Variants in PTPRD observed in about 807,000 individuals in gnomAD.
PTPRD encodes receptor-type tyrosine-protein phosphatase delta.
PTPRD carries 34 observed loss-of-function variants against 214.5 expected under a neutral mutation model. That is an observed-to-expected ratio of 0.16 (90% CI 0.12 to 0.21). The LOEUF (loss-of-function observed/expected upper bound fraction) is 0.21, where lower values mean the gene tolerates loss of function less well. PTPRD is among the 10% of genes least tolerant of loss of function. PTPRD has a pLI of 1.00. For missense variants in PTPRD, 2,545 were observed against 2,398.7 expected, an observed-to-expected ratio of 1.06 and a Z score of -1.27; for synonymous variants, 1,128 against 845.7, an observed-to-expected ratio of 1.33 and a Z score of -5.79.
intron 7 of PTPRD, among the ~76,000 whole-genome samples, chr9:9,669,277 C>T (rs10977920): frequency 0.13 from 19,503 of 152,120 alleles, 1,559 homozygotes; most frequent in African/African-American, 0.22. Context: ...TGGCGAGATA[C>T]ACAAGGAACA....
chr9:9,673,877 A>G (rs2803365), intron 7 of PTPRD, among the ~76,000 whole-genome samples: 1 of 151,752 alleles, frequency 6.6e-6, no homozygotes, highest in Admixed American at 6.6e-5. Flanking sequence ...AGACAATAAT[A>G]TATCATACTT....
chr9:8,725,300 T>G (rs1432200866), intron 12 of PTPRD, among the ~76,000 whole-genome samples: 1 of 152,208 alleles, frequency 6.6e-6, no homozygotes, highest in Non-Finnish European at 1.5e-5. Flanking sequence ...ATGTTAAATA[T>G]TTGGCTATGC....
intron 2 of PTPRD, among the ~76,000 whole-genome samples, chr9:10,421,929 T>A (rs1396767795): frequency 6.6e-6 from 1 of 151,946 alleles, no homozygotes; most frequent in Non-Finnish European, 1.5e-5. Context: ...TAGATCCAGA[T>A]ATGAAATTAT....
chr9:8,350,379 C>A (rs2075111028), intron 39 of PTPRD, among the ~76,000 whole-genome samples: 1 of 152,062 alleles, frequency 6.6e-6, no homozygotes, highest in Non-Finnish European at 1.5e-5. Context: ...CTAAAAAAAT[C>A]ATTGTGAGCA....
intron 9 of PTPRD, among the ~76,000 whole-genome samples, chr9:9,207,551 A>C (rs2099945638): frequency 6.6e-6 from 1 of 152,212 alleles, no homozygotes; most frequent in African/African-American, 2.4e-5. Flanking sequence ...ATGCTGGTCG[A>C]GCTTTGTAAA....
chr9:8,486,994 TA>T (rs143445268), intron 27 of PTPRD, among the ~76,000 whole-genome samples: 4 of 151,700 alleles, frequency 2.6e-5, no homozygotes, highest in South Asian at 2.1e-4. Context: ...CTTAAAAGTT[TA>T]AAAAAAAACC....
chr9:9,155,192 G>T (rs1241871120), intron 10 of PTPRD, among the ~76,000 whole-genome samples: 1 of 152,100 alleles, frequency 6.6e-6, no homozygotes, highest in African/African-American at 2.4e-5. Flanking sequence ...TCTAGAAGTG[G>T]GTAATGTATC....
chr9:10,442,865 A>G (rs907340673), intron 2 of PTPRD, among the ~76,000 whole-genome samples: 2 of 151,546 alleles, frequency 1.3e-5, no homozygotes, highest in African/African-American at 4.8e-5. Flanking sequence ...ACAGTATGGC[A>G]GCCACCCTAT....
In PTPRD at chr9:8,484,153, G is replaced by C. The variant is rs1349731798; in HGVS notation, c.3379C>G (p.Gln1127Glu). The part of the protein sequence containing the change: ...KTNLDGMITV[Q>E]LPEVPANENI... ...TCATTTGCAGGTACTTCAGGCAGTT[G>C]CACAGTAATCATGCCATCCAAGTTG... The change falls in exon 30 of 46, where the codon CAA becomes GAA. Residue 1127 changes from glutamine to glutamate, a missense_variant. By Grantham distance (29) the Gln-to-Glu change is conservative (BLOSUM62 2). Transcript: ENST00000381196. 6.2e-7 allele frequency: 1 copy of C among 1,614,074 alleles called. No individual in the cohort carries two copies. Among genetic ancestry groups the C allele is most frequent in the Non-Finnish European group, 8.5e-7 (1 of 1,180,000 alleles).
At chr9:8,373,468 G>GC (rs2082137904) in intron 39 of PTPRD, among the ~76,000 whole-genome samples, 1 of 151,904 alleles carries the variant, frequency 6.6e-6, no homozygotes, top group African/African-American at 2.4e-5. Context: ...GTTTCAATAA[G>GC]CAGCTTCTCC....
chr9:10,487,580 G>A (rs1303344100), intron 2 of PTPRD, among the ~76,000 whole-genome samples: 3 of 151,916 alleles, frequency 2.0e-5, no homozygotes, highest in Non-Finnish European at 4.4e-5. Context: ...CAAACAAAAA[G>A]CAAACGAATA....
chr9:10,230,452 C>G (rs142184912), intron 3 of PTPRD, among the ~76,000 whole-genome samples: 25 of 115,782 alleles, frequency 2.2e-4, no homozygotes, highest in South Asian at 2.5e-4. Flanking sequence ...ATCTATCTAT[C>G]TATCTATCTA....
chr9:9,340,278 T>A (rs964490350), intron 9 of PTPRD, among the ~76,000 whole-genome samples: 9 of 152,202 alleles, frequency 5.9e-5, no homozygotes, highest in African/African-American at 2.2e-4. Context: ...CATGATACTA[T>A]GTGCATATAA....
intron 44 of PTPRD, among the ~76,000 whole-genome samples, chr9:8,321,569 G>C (rs1828211378): frequency 7.5e-6 from 1 of 133,700 alleles, no homozygotes; most frequent in African/African-American, 2.7e-5. Flanking sequence ...TATACTAAAG[G>C]AATATTAAAA....
intron 8 of PTPRD, among the ~76,000 whole-genome samples, chr9:9,494,296 G>A (rs1297768992): frequency 6.6e-6 from 1 of 152,220 alleles, no homozygotes; most frequent in Admixed American, 6.5e-5. Context: ...GACATGATTT[G>A]AGAAAACTGA....
intron 12 of PTPRD, among the ~76,000 whole-genome samples, chr9:8,703,723 G>T (rs1423460088): frequency 1.3e-5 from 2 of 152,054 alleles, no homozygotes; most frequent in Non-Finnish European, 2.9e-5. Context: ...GTCTAATCCC[G>T]TGGCTCTGTC....
At chr9:10,334,416 A>G (rs2096806001) in intron 3 of PTPRD, among the ~76,000 whole-genome samples, 1 of 151,396 alleles carries the variant, frequency 6.6e-6, no homozygotes, top group Non-Finnish European at 1.5e-5. Flanking sequence ...GGTAAAAAAT[A>G]TCTATCCCAC....
chr9:10,308,367 G>A (rs1485797659), intron 3 of PTPRD, among the ~76,000 whole-genome samples: 1 of 151,818 alleles, frequency 6.6e-6, no homozygotes, highest in Non-Finnish European at 1.5e-5. Flanking sequence ...AAAATATTTG[G>A]CTATAAATAC....
rs66511711 is a variant in PTPRD at position 10,190,386 on chromosome 9, G to GAA, written c.-545+150575_-545+150576dup. Among the ~76,000 whole-genome samples, 28 of 50,154 alleles carry GAA rather than the reference G, an allele frequency of 5.6e-4. 1 individual carries two copies. Among genetic ancestry groups the GAA allele is most frequent in the Admixed American group, 2.1e-3 (6 of 2,840 alleles). The allele number at this position is 50,154 out of a possible 152,430, so 32.9% of individuals were successfully genotyped here. The stretch of plus-strand genomic sequence containing the variant: ...CTGGGCGTCAGAGACTCTATCTCCA[G>GAA]AAAAAAAAAAAAAAAAAAAAAAAAA... On this transcript the variant is annotated intron_variant, in intron 3 of 45. Transcript: ENST00000381196.
Sources: allele counts gnomAD v4.1 joint callset (sites outside exome capture counted in the v4.1 genomes callset), GRCh38; gene constraint gnomAD v4.1.1; transcripts MANE v1.5; gene names NCBI Gene and HGNC (gene_info 2026-07-23, HGNC 2026-07-21).